Variants in EML4 observed in about 807,000 individuals in gnomAD.
The protein encoded by EML4 is EMAP like 4.
A neutral mutation model predicts 129.0 loss-of-function variants in EML4; 72 were observed. The ratio of observed to expected loss-of-function variants is 0.56; its 90% CI spans 0.46 to 0.68. The LOEUF is 0.68. Among genes scored for constraint, EML4 ranks in the 30% least tolerant of loss-of-function variants. The pLI is 0.00. For synonymous variants in EML4, 532 were observed against 405.0 expected, an observed-to-expected ratio of 1.31 and a Z score of -3.77; for missense variants, 1,363 against 1,190.6, an observed-to-expected ratio of 1.14 and a Z score of -2.13.
intron 1 of EML4, among the ~76,000 whole-genome samples, chr2:42,238,218 A>G (rs1334925429): frequency 6.6e-6 from 1 of 152,202 alleles, no homozygotes; most frequent in African/African-American, 2.4e-5. Flanking sequence ...TGAGACCTGA[A>G]ACACTTCTGG....
chr2:42,279,931 C>T (rs1017424473), intron 6 of EML4, among the ~76,000 whole-genome samples: 28 of 152,154 alleles, frequency 1.8e-4, no homozygotes, highest in African/African-American at 6.7e-4. Context: ...GGAGAGACTA[C>T]AAAAGAAAAG....
At chr2:42,280,202 CA>C (rs1368544496) in intron 6 of EML4, among the ~76,000 whole-genome samples, 1 of 152,202 alleles carries the variant, frequency 6.6e-6, no homozygotes, top group Non-Finnish European at 1.5e-5. Flanking sequence ...AAACTGCTGT[CA>C]CAAAATTTTC....
intron 2 of EML4, among the ~76,000 whole-genome samples, chr2:42,246,002 C>G (rs1034839759): frequency 2.0e-5 from 3 of 152,106 alleles, no homozygotes; most frequent in African/African-American, 7.2e-5. Context: ...TCTCTCATTT[C>G]ATATTGAACA....
At chr2:42,324,666 T>C (rs1339114593) in intron 19 of EML4, among the ~76,000 whole-genome samples, 2 of 152,238 alleles carry the variant, frequency 1.3e-5, no homozygotes, top group African/African-American at 4.8e-5. Context: ...TTAAATGTGT[T>C]TGACCACAGA....
intron 4 of EML4, chr2:42,261,589 A>G (rs1005853068): frequency 1.4e-4 from 33 of 228,846 alleles, no homozygotes; most frequent in African/African-American, 7.2e-4. Flanking sequence ...TTTCTTAACC[A>G]CATTTTTGAA....
At chr2:42,206,062 C>G (rs901330470) in intron 1 of EML4, among the ~76,000 whole-genome samples, 1 of 152,152 alleles carries the variant, frequency 6.6e-6, no homozygotes, top group East Asian at 1.9e-4. Context: ...TACTCTTGTT[C>G]TGCTTTGTGA....
At chr2:42,321,794 C>T (rs915854272) in intron 19 of EML4, among the ~76,000 whole-genome samples, 3 of 152,056 alleles carry the variant, frequency 2.0e-5, no homozygotes, top group South Asian at 2.1e-4. Flanking sequence ...AACCAGCAAA[C>T]GCATATCAAA....
At chr2:42,243,350 T>C (rs1675165261) in intron 1 of EML4, among the ~76,000 whole-genome samples, 2 of 151,600 alleles carry the variant, frequency 1.3e-5, no homozygotes, top group African/African-American at 2.4e-5. Context: ...TAGACCACCG[T>C]GGAAGTGAAA....
intron 1 of EML4, among the ~76,000 whole-genome samples, chr2:42,188,937 C>G (rs922677435): frequency 1.3e-5 from 2 of 152,110 alleles, no homozygotes; most frequent in East Asian, 3.9e-4. Flanking sequence ...CAGCATTATT[C>G]CCAGGTAAAA....
rs375599779 is a variant in EML4, at chr2:42,323,061, C to T, written c.2155-2406C>T. 2.3e-4 allele frequency among the ~76,000 whole-genome samples: 35 copies of T among 152,246 alleles called. No individual in the cohort carries two copies. The East Asian group carries it at 4.4e-3, about 19-fold the overall frequency. Reference sequence around the variant, plus strand: ...ATGAATATTATGTATATATACAATGCTTTTGATGCTCTTCTAATTGAACTA... The same window carrying T: ...ATGAATATTATGTATATATACAATGTTTTTGATGCTCTTCTAATTGAACTA... On this transcript the variant is annotated intron_variant, in intron 19 of 22. Coordinates refer to ENST00000318522, the MANE Select transcript of EML4 (RefSeq NM_019063.5).
intron 6 of EML4, among the ~76,000 whole-genome samples, chr2:42,269,181 T>C (rs1163467265): frequency 6.6e-6 from 1 of 152,224 alleles, no homozygotes; most frequent in Non-Finnish European, 1.5e-5. Flanking sequence ...TAAAAATACT[T>C]GAAAAGTCAT....
At chr2:42,291,544 C>G (rs566460071) in intron 11 of EML4, among the ~76,000 whole-genome samples, 1 of 152,008 alleles carries the variant, frequency 6.6e-6, no homozygotes, top group African/African-American at 2.4e-5. Flanking sequence ...GTTGGGATTA[C>G]AGGCGTGTGC....
intron 1 of EML4, among the ~76,000 whole-genome samples, chr2:42,196,286 A>C (rs1374341988): frequency 6.6e-6 from 1 of 152,244 alleles, no homozygotes; most frequent in Non-Finnish European, 1.5e-5. Context: ...AAAAGGACAT[A>C]TAAAAGTATT....
At chr2:42,184,155 A>G (rs957136409) in intron 1 of EML4, among the ~76,000 whole-genome samples, 6 of 152,144 alleles carry the variant, frequency 3.9e-5, no homozygotes, top group Non-Finnish European at 7.4e-5. Flanking sequence ...AACCATTGAT[A>G]TGGTTTTTAT....
chr2:42,321,204 A>C (rs146646345), intron 19 of EML4, among the ~76,000 whole-genome samples: 2,255 of 152,090 alleles, frequency 0.015, 62 homozygotes, highest in African/African-American at 0.051. Context: ...TAACACGGTG[A>C]AACCCCATCT....
chr2:42,273,958 G>T (rs1301298380), intron 6 of EML4, among the ~76,000 whole-genome samples: 1 of 152,122 alleles, frequency 6.6e-6, no homozygotes, highest in Non-Finnish European at 1.5e-5. Context: ...TCATTAACTG[G>T]AACTTGAAGT....
At chr2:42,285,590 T>TC (rs1341259933) in intron 9 of EML4, among the ~76,000 whole-genome samples, 1 of 151,060 alleles carries the variant, frequency 6.6e-6, no homozygotes, top group Non-Finnish European at 1.5e-5. Flanking sequence ...CTCCACCTTT[T>TC]TTTTTTCTTT....
At chr2:42,171,861 G>C (rs1321938164) in intron 1 of EML4, among the ~76,000 whole-genome samples, 1 of 152,164 alleles carries the variant, frequency 6.6e-6, no homozygotes, top group East Asian at 1.9e-4. Flanking sequence ...AAACCTTAAA[G>C]GGGTGGGGGA....
chr2:42,178,085 A>G (rs1670711470), intron 1 of EML4, among the ~76,000 whole-genome samples: 1 of 152,230 alleles, frequency 6.6e-6, no homozygotes, highest in Non-Finnish European at 1.5e-5. Context: ...AGTTTTTAGA[A>G]TCTGAATATA....
Sources: allele counts gnomAD v4.1 joint callset (sites outside exome capture counted in the v4.1 genomes callset), GRCh38; gene constraint gnomAD v4.1.1; transcripts MANE v1.5; gene names NCBI Gene and HGNC (gene_info 2026-07-23, HGNC 2026-07-21).